GRIP1: variants seen among roughly 807,000 people sequenced by gnomAD.
GRIP1 encodes the protein glutamate receptor-interacting protein 1.
Under a neutral mutation model 129.9 loss-of-function variants are expected in GRIP1, and 45 were observed. The observed-to-expected ratio is 0.35, with a 90% confidence interval of 0.27 to 0.44. GRIP1 has a LOEUF of 0.44. Ranked by LOEUF, GRIP1 falls within the 20% of genes least tolerant of loss-of-function variation. The pLI is 1.00. For synonymous variants in GRIP1, 530 were observed against 520.8 expected (o/e 1.02, Z -0.24); for missense variants, 1,196 against 1,396.8 (o/e 0.86, Z 2.29).
At chr12:66,700,462 G>T (rs2136350271) in intron 1 of GRIP1, among the ~76,000 whole-genome samples, 1 of 151,536 alleles carries the variant, frequency 6.6e-6, no homozygotes, top group African/African-American at 2.4e-5. Context: ...TAAGATTTGG[G>T]GTTTCACCAC....
At chr12:66,681,275 G>A (rs540015016), upstream of GRIP1, among the ~76,000 whole-genome samples, 9 of 152,060 alleles carry the variant, frequency 5.9e-5, no homozygotes, top group Non-Finnish European at 1.3e-4. Flanking sequence ...TTCTGGCCTC[G>A]CTAATGCTTG....
At chr12:66,766,857 G>A (rs2037656448) in intron 1 of GRIP1, among the ~76,000 whole-genome samples, 1 of 152,168 alleles carries the variant, frequency 6.6e-6, no homozygotes, top group African/African-American at 2.4e-5. Flanking sequence ...AGCAAGTGAA[G>A]TGTTGAGTAA....
intron 18 of GRIP1, 28 bp from the exon 19 acceptor site, chr12:66,392,530 A>T: frequency 6.2e-7 from 1 of 1,604,002 alleles, no homozygotes; most frequent in Admixed American, 1.7e-5. Context: ...GAGTTTAAGT[A>T]TCAGAGTAAA....
At chr12:66,630,193 A>G (rs527985342) in intron 1 of GRIP1, 1 of 152,276 alleles carries the variant, frequency 6.6e-6, no homozygotes, top group South Asian at 2.1e-4. Context: ...TCTACTAAAA[A>G]TACAAAATTA....
At chr12:67,051,574 T>C (rs1481507305) in intron 1 of GRIP1, among the ~76,000 whole-genome samples, 1 of 152,186 alleles carries the variant, frequency 6.6e-6, no homozygotes, top group Non-Finnish European at 1.5e-5. Flanking sequence ...ATATTTTGTG[T>C]TGAAAGATTC....
At chr12:66,951,131 A>T (rs981720876) in intron 1 of GRIP1, among the ~76,000 whole-genome samples, 1 of 152,236 alleles carries the variant, frequency 6.6e-6, no homozygotes, top group African/African-American at 2.4e-5. Flanking sequence ...ATAAACTTAT[A>T]AATAAGGCTG....
intron 23 of GRIP1, among the ~76,000 whole-genome samples, chr12:66,357,119 C>T (rs1001922396): frequency 8.5e-5 from 13 of 152,102 alleles, no homozygotes; most frequent in Admixed American, 2.6e-4. Flanking sequence ...TCAAGTGATC[C>T]GCCAGCCTTG....
intron 2 of GRIP1, among the ~76,000 whole-genome samples, chr12:66,588,797 C>G (rs904478011): frequency 3.3e-5 from 5 of 151,652 alleles, no homozygotes; most frequent in Admixed American, 3.3e-4. Flanking sequence ...AATGAAACCC[C>G]ATCTCTACTA....
chr12:66,553,379 A>C (rs1429115603), intron 2 of GRIP1, among the ~76,000 whole-genome samples: 2 of 151,668 alleles, frequency 1.3e-5, no homozygotes, highest in African/African-American at 4.8e-5. Context: ...CTTCCATTGA[A>C]TATCTATTGA....
At chr12:66,847,569 ATGTATGTCATTAATG>A (rs1262387580) in intron 1 of GRIP1, among the ~76,000 whole-genome samples, 1 of 152,164 alleles carries the variant, frequency 6.6e-6, no homozygotes, top group Non-Finnish European at 1.5e-5. Context: ...TATAGTACTT[ATGTATGTCATTAATG>A]TGAACTTTGA....
rs371496609 is a variant in GRIP1, at chr12:66,716,527, A to T, written c.-419-86191T>A. ...AATTTTAATAAATTTTGAAAAAAAAATTTTTAAATTTTATTATTATTATAC... is the reference window on the plus strand; with the variant it reads ...AATTTTAATAAATTTTGAAAAAAAATTTTTTAAATTTTATTATTATTATAC... On this transcript the variant is annotated intron_variant, in intron 1 of 4. Transcript: ENST00000538373. Among the ~76,000 whole-genome samples, 1,314 of 151,224 alleles carry T rather than the reference A, an allele frequency of 8.7e-3. 9 individuals are homozygous for T. The highest frequency in any genetic ancestry group is 0.015 in the Non-Finnish European group (1,027 of 67,762).
At chr12:66,719,647 A>G (rs981071172) in intron 1 of GRIP1, among the ~76,000 whole-genome samples, 5 of 152,206 alleles carry the variant, frequency 3.3e-5, no homozygotes, top group Non-Finnish European at 7.3e-5. Flanking sequence ...AACATCATTA[A>G]ATTTGAGTAA....
At chr12:66,673,770 C>A (rs1214350673) in intron 1 of GRIP1, among the ~76,000 whole-genome samples, 1 of 152,158 alleles carries the variant, frequency 6.6e-6, no homozygotes, top group East Asian at 1.9e-4. Context: ...ACAAGACCTG[C>A]CTGGGACCCA....
chr12:66,623,341 T>C (rs1025416898), intron 1 of GRIP1, among the ~76,000 whole-genome samples: 1 of 152,164 alleles, frequency 6.6e-6, no homozygotes, highest in Admixed American at 6.5e-5. Flanking sequence ...GGCATTCTTA[T>C]CTGCAGTATT....
intron 1 of GRIP1, among the ~76,000 whole-genome samples, chr12:66,735,767 G>A (rs1592790623): frequency 6.6e-6 from 1 of 152,070 alleles, no homozygotes; most frequent in Non-Finnish European, 1.5e-5. Flanking sequence ...ATAAGTGGCG[G>A]GACTTCCAGA....
chr12:66,362,933 T>C (rs1018481108), intron 23 of GRIP1, among the ~76,000 whole-genome samples: 2 of 151,612 alleles, frequency 1.3e-5, no homozygotes, highest in South Asian at 2.1e-4. Context: ...AAGATACAAA[T>C]TGAATTCTGT....
chr12:66,490,644 T>A (rs371566935), intron 7 of GRIP1, among the ~76,000 whole-genome samples: 9 of 152,058 alleles, frequency 5.9e-5, no homozygotes, highest in Admixed American at 2.0e-4. Flanking sequence ...AGCTTCTGCA[T>A]AGCAAAAGAA....
At chr12:66,979,753 A>G (rs1438456275) in intron 1 of GRIP1, among the ~76,000 whole-genome samples, 2 of 152,150 alleles carry the variant, frequency 1.3e-5, no homozygotes, top group East Asian at 3.9e-4. Context: ...AAGGAAAATG[A>G]CATACGAAAA....
chr12:66,583,665 C>G (rs1714086291), intron 2 of GRIP1, among the ~76,000 whole-genome samples: 2 of 140,020 alleles, frequency 1.4e-5, no homozygotes, highest in South Asian at 4.6e-4. Flanking sequence ...AAATGCTCAT[C>G]ATCACTGGCC....
Sources: gnomAD v4.1 joint callset for allele counts (sites outside exome capture counted in the v4.1 genomes callset) on GRCh38, gnomAD v4.1.1 for gene constraint, MANE v1.5 for transcripts, NCBI Gene and HGNC (gene_info 2026-07-23, HGNC 2026-07-21) for gene names.